Variants in KIAA1671 observed in about 807,000 individuals in gnomAD.
KIAA1671 encodes the protein uncharacterized protein KIAA1671.
A neutral mutation model predicts 131.2 loss-of-function variants in KIAA1671; 52 were observed. The ratio of observed to expected loss-of-function variants is 0.40; its 90% CI spans 0.32 to 0.50. The LOEUF is 0.50. KIAA1671 is among the 20% of genes least tolerant of loss of function. The pLI is 0.73. For synonymous variants in KIAA1671, 1,003 were observed against 961.6 expected, an observed-to-expected ratio of 1.04 and a Z score of -0.80; for missense variants, 2,360 against 2,364.2, an observed-to-expected ratio of 1.00 and a Z score of 0.04.
intron 6 of KIAA1671, among the ~76,000 whole-genome samples, chr22:25,090,445 C>T (rs994526221): frequency 3.3e-5 from 5 of 152,238 alleles, no homozygotes; most frequent in Admixed American, 1.3e-4. Flanking sequence ...AATCTGTTTC[C>T]TCTTCCCTGG....
Position 25,193,578 on chromosome 22 carries a change from C to G in KIAA1671, c.*1177C>G, listed in dbSNP as rs993217744. On this transcript the variant is annotated 3_prime_UTR_variant, in exon 13 of 13. Coordinates refer to ENST00000358431, the MANE Select transcript of KIAA1671 (RefSeq NM_001145206.2). ...ACATGCTTTCCTTCTCCCTGGCTAC[C>G]TCTCAGGAGTTCATTTGTCTCTCTG... is the stretch of plus-strand genomic sequence containing the variant. 6.6e-6 allele frequency: 1 copy of G among 152,378 alleles called. No homozygotes were observed. Among genetic ancestry groups the G allele is most frequent in the East Asian group, 1.9e-4 (1 of 5,186 alleles). 9.4% of individuals were successfully genotyped at this position (152,378 alleles called of 1,614,324 possible).
Position 24,997,356 on chromosome 22 carries a change from C to T in KIAA1671, c.-207-28277C>T, listed in dbSNP as rs113925618. ...GATGTCACTCAGGAAAAAGAGAAGG[C>T]GACTGGCAGCTTTCTGCGGGTCTCT... is the stretch of plus-strand genomic sequence containing the variant. On this transcript the variant is annotated intron_variant, in intron 1 of 12. Coordinates refer to ENST00000358431, the MANE Select transcript of KIAA1671 (RefSeq NM_001145206.2). Among the ~76,000 whole-genome samples, 96 of 152,256 alleles carry T rather than the reference C, an allele frequency of 6.3e-4. No homozygotes were observed. The Middle Eastern group carries it at 0.02, about 32-fold the overall frequency.
At chr22:25,180,355 A>G (rs1409144254) in intron 9 of KIAA1671, among the ~76,000 whole-genome samples, 1 of 152,218 alleles carries the variant, frequency 6.6e-6, no homozygotes, top group African/African-American at 2.4e-5. Flanking sequence ...TCTGGCCAAC[A>G]TGGTGAAACC....
chr22:25,079,414 A>G (rs925860499), intron 6 of KIAA1671, among the ~76,000 whole-genome samples: 7 of 152,148 alleles, frequency 4.6e-5, no homozygotes, highest in African/African-American at 1.4e-4. Flanking sequence ...TGTTCAGGCA[A>G]TCAACAATGG....
chr22:25,079,605 G>A (rs1461307238), intron 6 of KIAA1671, among the ~76,000 whole-genome samples: 3 of 152,154 alleles, frequency 2.0e-5, no homozygotes, highest in Admixed American at 1.3e-4. Flanking sequence ...AGCTTGGGGG[G>A]AAACAGGAAT....
At position 25,029,155 on chromosome 22, in the gene KIAA1671, T is replaced by C. The variant is rs1219153978; in HGVS notation, c.1156T>C (p.Trp386Arg). 5.5e-6 allele frequency: 8 copies of C among 1,455,990 alleles called. No homozygotes were observed. Among genetic ancestry groups the C allele is most frequent in the Non-Finnish European group, 7.3e-6 (8 of 1,101,736 alleles). The allele number at this position is 1,455,990 out of a possible 1,614,324, so 90.2% of individuals were successfully genotyped here. A position where few individuals can be genotyped will look rare whatever the true frequency, so the allele number is the denominator to read the frequency against. ...GVTPSNDQSP[W>R]EEKAKLDPEP... ...CACCCCCAGCAATGACCAGAGTCCC[T>C]GGGAAGAAAAGGCCAAGCTGGACCC... Residue 386 changes from tryptophan (W) to arginine (R), a missense_variant, in exon 3 of 13, where the codon TGG (tryptophan) becomes CGG (arginine). Physicochemically the swap from Trp to Arg is moderately radical, Grantham distance 101. This residue lies in a region of KIAA1671 where 1,185 missense variants were observed against 1,126.2 expected (regional missense o/e 1.05). Coordinates refer to ENST00000358431, the MANE Select transcript of KIAA1671 (RefSeq NM_001145206.2).
chr22:25,122,374 A>G (rs1362862983), intron 6 of KIAA1671, among the ~76,000 whole-genome samples: 2 of 152,068 alleles, frequency 1.3e-5, no homozygotes, highest in South Asian at 2.1e-4. Context: ...GTCCCTTTCC[A>G]TGGCAATGAC....
intron 1 of KIAA1671, chr22:25,012,277 CT>C (rs757356919): frequency 5.0e-4 from 56 of 112,666 alleles, no homozygotes; most frequent in East Asian, 7.8e-4. Context: ...TTTTCTTCTT[CT>C]TTTTTTTTTT....
At chr22:25,103,342 C>T (rs1372582391) in intron 6 of KIAA1671, among the ~76,000 whole-genome samples, 3 of 152,084 alleles carry the variant, frequency 2.0e-5, no homozygotes, top group African/African-American at 4.8e-5. Flanking sequence ...TCCCGGGTAG[C>T]TGGGATTACA....
chr22:24,998,906 T>G (rs144619235), intron 1 of KIAA1671, among the ~76,000 whole-genome samples: 1 of 151,960 alleles, frequency 6.6e-6, no homozygotes, highest in Non-Finnish European at 1.5e-5. Flanking sequence ...ATGTATCAAA[T>G]GTAGTGCTGA....
chr22:25,120,759 A>G (rs1470999722), intron 6 of KIAA1671, among the ~76,000 whole-genome samples: 2 of 152,088 alleles, frequency 1.3e-5, no homozygotes, highest in Admixed American at 6.5e-5. Context: ...CTTTCTCTTT[A>G]TATCCTTTAA....
At chr22:25,055,861 GAGAC>G (rs1384586560) in intron 6 of KIAA1671, 5 of 149,372 alleles carry the variant, frequency 3.3e-5, no homozygotes, top group African/African-American at 1.2e-4. Context: ...TATAGAGAGA[GAGAC>G]AGGCAAACAG....
Position 25,028,455 on chromosome 22 carries a change from C to G in KIAA1671, c.456C>G (p.Ser152Arg). 6.4e-7 allele frequency: 1 copy of G among 1,550,422 alleles called. No individual in the cohort carries two copies. ...STMILFETTK[S>R]GPALGKAVSE... is the part of the protein sequence containing the mutation. ...TGATTCTCTTCGAAACCACCAAAAG[C>G]GGCCCCGCTCTGGGGAAGGCGGTTA... Residue 152 changes from serine (S) to arginine (R), a missense_variant, in exon 3 of 13, where the codon AGC becomes AGG. Coordinates refer to ENST00000358431, the MANE Select transcript of KIAA1671 (RefSeq NM_001145206.2).
chr22:25,189,581 T>A (rs1479707220), intron 11 of KIAA1671, among the ~76,000 whole-genome samples: 3 of 152,172 alleles, frequency 2.0e-5, no homozygotes, highest in African/African-American at 7.2e-5. Context: ...GTTAACCTCA[T>A]CTAAGAAAAA....
chr22:25,076,303 G>A (rs935154602), intron 6 of KIAA1671, among the ~76,000 whole-genome samples: 1 of 152,012 alleles, frequency 6.6e-6, no homozygotes, highest in African/African-American at 2.4e-5. Context: ...ATTCCCAGGT[G>A]TTTATTGTAT....
At chr22:25,180,687 T>C (rs1451216538) in intron 9 of KIAA1671, among the ~76,000 whole-genome samples, 1 of 152,246 alleles carries the variant, frequency 6.6e-6, no homozygotes, top group African/African-American at 2.4e-5. Context: ...AACATTAGGA[T>C]GTCAGACCAG....
chr22:25,189,098 C>T (rs1000114934), intron 11 of KIAA1671, among the ~76,000 whole-genome samples: 3 of 149,390 alleles, frequency 2.0e-5, no homozygotes, highest in Non-Finnish European at 3.0e-5. Context: ...AAAGGCTTCC[C>T]TCTTCTTCCT....
intron 11 of KIAA1671, chr22:25,185,951 G>A (rs1404915799): frequency 6.6e-6 from 1 of 152,180 alleles, no homozygotes; most frequent in African/African-American, 2.4e-5. Context: ...TGAAAGTTAG[G>A]GATTGTTCCT....
At chr22:24,959,855 C>T (rs928786628) in intron 1 of KIAA1671, among the ~76,000 whole-genome samples, 3 of 152,112 alleles carry the variant, frequency 2.0e-5, no homozygotes, top group African/African-American at 4.8e-5. Context: ...ATATGAAATA[C>T]GGCCGGGCGC....
Sources: allele counts gnomAD v4.1 joint callset (sites outside exome capture counted in the v4.1 genomes callset), GRCh38; gene constraint gnomAD v4.1.1; regional missense constraint gnomAD v4.1.1; transcripts MANE v1.5; gene names NCBI Gene and HGNC (gene_info 2026-07-23, HGNC 2026-07-21).